The following AP2B1 variants were observed in gnomAD, a reference collection of about 807,000 sequenced individuals.
AP2B1 encodes AP-2 complex subunit beta.
Under a neutral mutation model 102.0 loss-of-function variants are expected in AP2B1, and 23 were observed. That is an observed-to-expected ratio of 0.23 (90% CI 0.16 to 0.32). The LOEUF is 0.32. Ranked by LOEUF, AP2B1 falls within the 10% of genes least tolerant of loss-of-function variation. The probability of loss-of-function intolerance (pLI) is 1.00; values close to 1 mark genes in which losing one functional copy is unlikely to be tolerated. For missense variants in AP2B1, 541 were observed against 1,157.4 expected (o/e 0.47, Z 7.73); for synonymous variants, 381 against 421.2 (o/e 0.90, Z 1.17).
chr17:35,614,687 A>C (rs2073964503), intron 5 of AP2B1, among the ~76,000 whole-genome samples: 1 of 136,386 alleles, frequency 7.3e-6, no homozygotes, highest in Non-Finnish European at 1.6e-5. Context: ...AAAATTTCTC[A>C]TTTGTTAAGT....
intron 14 of AP2B1, among the ~76,000 whole-genome samples, chr17:35,664,753 C>T (rs894446942): frequency 1.3e-5 from 2 of 152,154 alleles, no homozygotes; most frequent in African/African-American, 4.8e-5. Context: ...AGCTTACATT[C>T]GCGTAGGGGA....
At chr17:35,701,608 T>A (rs1013035467) in intron 18 of AP2B1, among the ~76,000 whole-genome samples, 1 of 152,196 alleles carries the variant, frequency 6.6e-6, no homozygotes, top group Admixed American at 6.5e-5. Flanking sequence ...TTGGGACTTG[T>A]TTGTTCGTTT....
intron 12 of AP2B1, among the ~76,000 whole-genome samples, chr17:35,645,735 A>T (rs1386258263): frequency 1.3e-5 from 2 of 151,992 alleles, no homozygotes; most frequent in African/African-American, 4.8e-5. Context: ...TGTAATCCCA[A>T]CTACTCGGGA....
chr17:35,669,299 A>G (rs1378233052), intron 14 of AP2B1, among the ~76,000 whole-genome samples: 2 of 152,096 alleles, frequency 1.3e-5, no homozygotes, highest in Non-Finnish European at 2.9e-5. Flanking sequence ...GCCTGCCACC[A>G]CAGCCTGCTA....
At chr17:35,651,195 T>C (rs1423692182) in intron 13 of AP2B1, among the ~76,000 whole-genome samples, 1 of 152,180 alleles carries the variant, frequency 6.6e-6, no homozygotes, top group African/African-American at 2.4e-5. Context: ...TCCATTACTG[T>C]AGCTTTTGTT....
chr17:35,720,221 C>G lies in AP2B1; in HGVS notation c.2781+2872C>G, dbSNP rs1040982969. 2.6e-5 allele frequency among the ~76,000 whole-genome samples: 4 copies of G among 152,052 alleles called. No homozygotes were observed. In the East Asian group the frequency reaches 7.7e-4, roughly 29 times the overall value. ...CCCTAAGGGTTTAGATGCAGATTCT[C>G]TGGTCATTGAGCATGTCCAGGTGAA... is the stretch of plus-strand genomic sequence containing the variant. On this transcript the variant is annotated intron_variant, in intron 21 of 21. Coordinates refer to ENST00000610402, the MANE Select transcript of AP2B1 (RefSeq NM_001030006.2).
rs587632228 is a variant in AP2B1, at chr17:35,707,600, G to A, written c.2455-1624G>A. The stretch of plus-strand genomic sequence containing the variant: ...CCTGAGTAGCTGGGACTACAGCCAC[G>A]CGCCTCCACGCCCAGCTAATTTTTG... On this transcript the variant is annotated intron_variant, in intron 18 of 21. Coordinates refer to ENST00000610402, the MANE Select transcript of AP2B1 (RefSeq NM_001030006.2). Among the ~76,000 whole-genome samples, 792 of 151,978 alleles carry A rather than the reference G, an allele frequency of 5.2e-3. 5 individuals carry two copies. Among genetic ancestry groups the A allele is most frequent in the Non-Finnish European group, 5.9e-3 (401 of 67,966 alleles).
At chr17:35,605,060 A>C (rs1451012414) in intron 3 of AP2B1, among the ~76,000 whole-genome samples, 4 of 151,912 alleles carry the variant, frequency 2.6e-5, no homozygotes, top group Non-Finnish European at 5.9e-5. Flanking sequence ...GTGCACCACC[A>C]CACCTAGCTT....
chr17:35,644,208 TG>T (rs1207555296), intron 12 of AP2B1, among the ~76,000 whole-genome samples: 2 of 152,222 alleles, frequency 1.3e-5, no homozygotes. Flanking sequence ...CCCATGGTCT[TG>T]TCCACTGTGC....
intron 21 of AP2B1, among the ~76,000 whole-genome samples, chr17:35,720,671 C>T (rs2085361587): frequency 6.9e-6 from 1 of 145,488 alleles, no homozygotes; most frequent in African/African-American, 2.5e-5. Flanking sequence ...ATCCTCCCAT[C>T]TCGGCCTCCC....
chr17:35,650,396 C>G (rs1598174685), intron 12 of AP2B1, 134 bp from the exon 13 acceptor site: 2 of 1,074,484 alleles, frequency 1.9e-6, no homozygotes, highest in East Asian at 4.8e-5. Flanking sequence ...GCTACCACAT[C>G]CAGCCTGAAG....
chr17:35,689,284 A>AT, intron 18 of AP2B1, among the ~76,000 whole-genome samples: 1 of 152,198 alleles, frequency 6.6e-6, no homozygotes, highest in Non-Finnish European at 1.5e-5. Flanking sequence ...GGTTCAAGTG[A>AT]TTCTCTTGCC....
At position 35,709,267 on chromosome 17, in the gene AP2B1, T is replaced by A; in HGVS notation, c.2498T>A (p.Leu833His). ...NNIDVFYFSC[L>H]IPLNVLFVED... ...ATCGATGTCTTCTACTTCAGCTGCC[T>A]CATCCCACTCAATGTGCTTTTTGTA... is the stretch of plus-strand genomic sequence containing the variant. Residue 833 changes from leucine (L) to histidine (H), a missense_variant, in exon 19 of 22, where the codon CTC becomes CAC. Physicochemically the swap from Leu to His is moderately conservative, Grantham distance 99. Around this residue, in one of 10 missense-constraint regions of AP2B1, gnomAD observed 117 missense variants for 206.7 expected, o/e 0.57. Coordinates refer to ENST00000610402, the MANE Select transcript of AP2B1 (RefSeq NM_001030006.2). 6.2e-7 allele frequency: 1 copy of A among 1,614,176 alleles called. No homozygotes were observed. Among genetic ancestry groups the A allele is most frequent in the Non-Finnish European group, 8.5e-7 (1 of 1,180,016 alleles).
rs1227187199 is a variant in AP2B1, at chr17:35,723,815, G to A, written c.*116G>A. On this transcript the variant is annotated 3_prime_UTR_variant, in exon 22 of 22. Coordinates refer to ENST00000610402, the MANE Select transcript of AP2B1 (RefSeq NM_001030006.2). ...GAACACACTGAGGCCACCTAGCAAG[G>A]TAGTAACTAGTCTAACCTGTGCTAA... The A allele has an allele frequency of 9.6e-6, 7 of 728,798 alleles. No homozygotes were observed. The Admixed American group carries it at 1.0e-4, about 11-fold the overall frequency. 45.1% of individuals were successfully genotyped at this position (728,798 alleles called of 1,614,324 possible).
At chr17:35,669,734 C>T (rs896771417) in intron 14 of AP2B1, among the ~76,000 whole-genome samples, 2 of 152,078 alleles carry the variant, frequency 1.3e-5, no homozygotes, top group African/African-American at 4.8e-5. Flanking sequence ...GAAGATAAAT[C>T]CTCTTTCCCC....
intron 17 of AP2B1, among the ~76,000 whole-genome samples, chr17:35,676,512 C>T (rs2075704926): frequency 6.6e-6 from 1 of 152,158 alleles, no homozygotes; most frequent in Non-Finnish European, 1.5e-5. Context: ...GACGTGCTCA[C>T]AAGTTGGGGG....
chr17:35,636,745 A>G (rs1388692031), intron 10 of AP2B1, among the ~76,000 whole-genome samples: 3 of 152,236 alleles, frequency 2.0e-5, no homozygotes, highest in East Asian at 1.9e-4. Context: ...TAAATAGGAC[A>G]TCTATATATT....
intron 5 of AP2B1, among the ~76,000 whole-genome samples, chr17:35,613,316 C>T (rs1220658812): frequency 1.3e-5 from 2 of 151,286 alleles, no homozygotes; most frequent in Non-Finnish European, 2.9e-5. Context: ...TGGTCGAGGG[C>T]TGAAAATTCT....
chr17:35,616,411 G>A (rs544912020), intron 5 of AP2B1, among the ~76,000 whole-genome samples: 110 of 151,790 alleles, frequency 7.2e-4, no homozygotes, highest in Non-Finnish European at 1.3e-3. Context: ...CTCGTGATCC[G>A]CCCGCCTCGG....
Sources: gnomAD v4.1 joint callset for allele counts (sites outside exome capture counted in the v4.1 genomes callset) on GRCh38, gnomAD v4.1.1 for gene constraint, gnomAD v4.1.1 regional missense constraint, MANE v1.5 for transcripts, NCBI Gene and HGNC (gene_info 2026-07-23, HGNC 2026-07-21) for gene names.